The following TMEM87B variants were observed in gnomAD, a reference collection of about 807,000 sequenced individuals.
The protein encoded by TMEM87B is transmembrane protein 87B.
Under a neutral mutation model 80.3 loss-of-function variants are expected in TMEM87B, and 83 were observed. The observed-to-expected ratio is 1.03, with a 90% CI of 0.87 to 1.24. The LOEUF (loss-of-function observed/expected upper bound fraction) is 1.24. Among genes scored for constraint, TMEM87B ranks in the 50% most tolerant of loss-of-function variants. The pLI is 0.00. For missense variants in TMEM87B, 625 were observed against 674.4 expected (o/e 0.93, Z 0.81); for synonymous variants, 219 against 230.5 (o/e 0.95, Z 0.45).
chr2:112,086,674 G>T (rs1211651169), intron 9 of TMEM87B, among the ~76,000 whole-genome samples: 1 of 152,048 alleles, frequency 6.6e-6, no homozygotes, highest in Non-Finnish European at 1.5e-5. Flanking sequence ...CACTCTTCAG[G>T]CTGGGTCACC....
Position 112,105,995 on chromosome 2 carries a change from C to A in TMEM87B, c.1451-7C>A. 2 of 1,557,870 alleles carry A rather than the reference C, an allele frequency of 1.3e-6. No individual in the cohort carries two copies. Among genetic ancestry groups the A allele is most frequent in the East Asian group, 4.6e-5 (2 of 43,068 alleles). ...TTTTATATATATGTTTATAATGTCT[C>A]TCGTAGCCGAAGGAATAAAATTAAG... On this transcript the variant is annotated splice_polypyrimidine_tract_variant and splice_region_variant and intron_variant, in intron 15 of 18. Transcript: ENST00000283206.
At chr2:112,072,993 A>G (rs1678702211) in intron 4 of TMEM87B, among the ~76,000 whole-genome samples, 2 of 137,314 alleles carry the variant, frequency 1.5e-5, no homozygotes, top group Non-Finnish European at 3.0e-5. Flanking sequence ...TCCACCTCCC[A>G]GGTTCAAGTG....
In TMEM87B at chr2:112,055,397, C is replaced by T; in HGVS notation, c.-195C>T. On this transcript the variant is annotated 5_prime_UTR_variant, in exon 1 of 19. Coordinates refer to ENST00000283206, the MANE Select transcript of TMEM87B (RefSeq NM_032824.3). ...CTCGGGCCCGGCTCAGAGCCCTAAG[C>T]CCTGCCTCCCGGTCCTGGCCGGGTT... 5.0e-6 allele frequency: 3 copies of T among 597,942 alleles called. No homozygotes were observed. Among genetic ancestry groups the T allele is most frequent in the Non-Finnish European group, 8.2e-6 (3 of 365,896 alleles). 37.0% of individuals were successfully genotyped at this position (597,942 alleles called of 1,614,324 possible).
intron 5 of TMEM87B, 98 bp from the exon 6 acceptor site, chr2:112,077,094 C>G (rs766775670): frequency 9.9e-5 from 53 of 537,478 alleles, no homozygotes; most frequent in Non-Finnish European, 1.5e-4. Flanking sequence ...AAAAAGTAAC[C>G]CGATTCAATT....
rs760868494 is a variant in TMEM87B at position 112,107,823 on chromosome 2, C to T, written c.1560C>T (p.Pro520=). The T allele has an allele frequency of 4.4e-6, 7 of 1,581,084 alleles. No homozygotes were observed. In the South Asian group the frequency reaches 8.0e-5, roughly 18 times the overall value. Residue 520 remains proline, a synonymous_variant, in exon 17 of 19, where the codon CCC becomes CCT. Coordinates refer to ENST00000283206, the MANE Select transcript of TMEM87B (RefSeq NM_032824.3). Reference sequence around the variant, plus strand: ...TGAAGTGGGTAGAAGAAAATATTCCCTCTTCATTCACAGATGTGTAAGTTA... The same window carrying T: ...TGAAGTGGGTAGAAGAAAATATTCCTTCTTCATTCACAGATGTGTAAGTTA... ...EDLKWVEENI[P]SSFTDVALPV...
chr2:112,056,152 C>A (rs1167639558), intron 1 of TMEM87B, among the ~76,000 whole-genome samples: 1 of 152,108 alleles, frequency 6.6e-6, no homozygotes, highest in Admixed American at 6.6e-5. Context: ...TGGGCCACAC[C>A]CCTGAGGCCG....
rs1216709430 is a variant in TMEM87B at position 112,060,002 on chromosome 2, A to C, written c.191A>C (p.Lys64Thr). 1.9e-6 allele frequency: 3 copies of C among 1,594,098 alleles called. No homozygotes were observed. In the African/African-American group the frequency reaches 4.0e-5, roughly 21 times the overall value. Residue 64 changes from lysine (K) to threonine (T), a missense_variant, in exon 2 of 19, where the codon AAA (lysine) becomes ACA (threonine). Lys to Thr is a moderately conservative substitution (Grantham distance 78). Transcript: ENST00000283206. ...AAATCAGGACCTTTGATATTTAGGA[A>C]AACTATGTTTAACTCTACAGATATC... ...NDKSGPLIFR[K>T]TMFNSTDIKL...
At chr2:112,115,875 G>C (rs1680008079) in intron 18 of TMEM87B, among the ~76,000 whole-genome samples, 1 of 152,132 alleles carries the variant, frequency 6.6e-6, no homozygotes, top group African/African-American at 2.4e-5. Context: ...GCGTCAAGCA[G>C]CCTTCCCGCC....
At chr2:112,097,003 T>G in intron 11 of TMEM87B, 41 bp from the exon 12 acceptor site, 1 of 1,293,798 alleles carries the variant, frequency 7.7e-7, no homozygotes, top group African/African-American at 1.5e-5. Flanking sequence ...TTTTTTAACC[T>G]CTTATTATTA....
At chr2:112,101,675 G>T (rs1032973606) in intron 15 of TMEM87B, among the ~76,000 whole-genome samples, 1 of 152,146 alleles carries the variant, frequency 6.6e-6, no homozygotes, top group Non-Finnish European at 1.5e-5. Flanking sequence ...GGCAGCAAAG[G>T]CAGACATATG....
intron 4 of TMEM87B, among the ~76,000 whole-genome samples, chr2:112,069,983 G>A (rs1678573338): frequency 6.6e-6 from 1 of 152,108 alleles, no homozygotes; most frequent in Admixed American, 6.5e-5. Flanking sequence ...TTTGAAAAAT[G>A]TCTAGTCATG....
In TMEM87B at chr2:112,097,090, A is replaced by G; in HGVS notation, c.1151A>G (p.Lys384Arg). Residue 384 changes from lysine (K) to arginine (R), a missense_variant, in exon 12 of 19, where the codon AAG (lysine) becomes AGG (arginine). By Grantham distance (26) the Lys-to-Arg change is conservative. Coordinates refer to ENST00000283206, the MANE Select transcript of TMEM87B (RefSeq NM_032824.3). ...AQTMKTLRLR[K>R]NTVKFSLYRH... ...ACTATGAAGACCCTAAGGCTAAGAA[A>G]GAACACTGTGAAATTTTCATTATAT... is the stretch of plus-strand genomic sequence containing the variant. 1.9e-6 allele frequency: 3 copies of G among 1,609,792 alleles called. No individual in the cohort carries two copies. Among genetic ancestry groups the G allele is most frequent in the Non-Finnish European group, 2.5e-6 (3 of 1,178,790 alleles).
chr2:112,113,103 A>C, intron 18 of TMEM87B, among the ~76,000 whole-genome samples, 174 bp downstream of exon 18: 1 of 143,796 alleles, frequency 7.0e-6, no homozygotes, highest in African/African-American at 2.6e-5. Flanking sequence ...TAAAGTCCCC[A>C]TTTCAAACAA....
chr2:112,060,994 C>T (rs547637490), intron 2 of TMEM87B, among the ~76,000 whole-genome samples: 3 of 152,100 alleles, frequency 2.0e-5, no homozygotes, highest in Non-Finnish European at 4.4e-5. Flanking sequence ...ATTGCTTTTA[C>T]GAATATATGA....
Position 112,118,869 on chromosome 2 carries a change from C to CA in TMEM87B, c.*2727dup. On this transcript the variant is annotated 3_prime_UTR_variant, in exon 19 of 19. Transcript: ENST00000283206. The stretch of plus-strand genomic sequence containing the variant: ...CTAGGCTGTACATGACTAAAGTTGA[C>CA]AGATGCTATGCTAGATTTATAATCA... 6.6e-6 allele frequency: 1 copy of CA among 152,152 alleles called. No individual in the cohort carries two copies. Among genetic ancestry groups the CA allele is most frequent in the Middle Eastern group, 3.4e-3 (1 of 294 alleles). The allele number at this position is 152,152 out of a possible 1,614,324, so 9.4% of individuals were successfully genotyped here.
chr2:112,102,018 T>A (rs1679643919), intron 15 of TMEM87B, among the ~76,000 whole-genome samples: 1 of 152,184 alleles, frequency 6.6e-6, no homozygotes, highest in South Asian at 2.1e-4. Flanking sequence ...TTTTTTAATT[T>A]AAAATCTTCC....
intron 8 of TMEM87B, among the ~76,000 whole-genome samples, chr2:112,085,638 TGAG>T (rs2104480555): frequency 6.6e-6 from 1 of 152,326 alleles, no homozygotes; most frequent in African/African-American, 2.4e-5. Flanking sequence ...GAATACATGA[TGAG>T]GAGATCCTGG....
chr2:112,057,099 C>T (rs1678098018), intron 1 of TMEM87B, among the ~76,000 whole-genome samples: 1 of 152,180 alleles, frequency 6.6e-6, no homozygotes, highest in African/African-American at 2.4e-5. Context: ...TCCTTGAGTG[C>T]TGCATGACCT....
chr2:112,091,587 A>G, intron 10 of TMEM87B, 125 bp from the exon 11 acceptor site: 1 of 690,598 alleles, frequency 1.4e-6, no homozygotes. Flanking sequence ...TTAGGAAATT[A>G]AATCTTTTAT....
Sources: gnomAD v4.1 joint callset for allele counts (sites outside exome capture counted in the v4.1 genomes callset) on GRCh38, gnomAD v4.1.1 for gene constraint, MANE v1.5 for transcripts, NCBI Gene and HGNC (gene_info 2026-07-23, HGNC 2026-07-21) for gene names.